Variants in SELENOO observed in about 807,000 individuals in gnomAD.
SELENOO encodes the protein protein adenylyltransferase SelO, mitochondrial.
SELENOO carries 74 observed loss-of-function variants against 58.7 expected under a neutral mutation model. That is an observed-to-expected ratio of 1.26 (90% confidence interval 1.04 to 1.53). The LOEUF (loss-of-function observed/expected upper bound fraction) is 1.53, where lower values mean the gene tolerates loss of function less well. Among genes scored for constraint, SELENOO ranks in the 40% most tolerant of loss-of-function variants. The pLI is 0.00. For synonymous variants in SELENOO, 543 were observed against 453.2 expected, an observed-to-expected ratio of 1.20 and a Z score of -2.52; for missense variants, 1,149 against 970.0, an observed-to-expected ratio of 1.18 and a Z score of -2.45.
At chr22:50,202,495 C>G (rs1287323648) in intron 1 of SELENOO, among the ~76,000 whole-genome samples, 1 of 152,206 alleles carries the variant, frequency 6.6e-6, no homozygotes, top group Non-Finnish European at 1.5e-5. Flanking sequence ...CGGCCGCCCA[C>G]TGGAGCGTTT....
At chr22:50,209,736 T>C (rs946722845) in intron 3 of SELENOO, among the ~76,000 whole-genome samples, 16 of 152,150 alleles carry the variant, frequency 1.1e-4, no homozygotes, top group African/African-American at 3.6e-4. Context: ...CCCCTGTTGA[T>C]TGGCCCCTAT....
At chr22:50,211,036 C>T (rs1031370701) in intron 5 of SELENOO, 125 bp downstream of exon 5, 4 of 955,806 alleles carry the variant, frequency 4.2e-6, no homozygotes, top group Non-Finnish European at 6.4e-6. Flanking sequence ...AGCCCTGGCA[C>T]CCCCATTCTA....
chr22:50,205,427 A>G lies in SELENOO; in HGVS notation c.555-890A>G, dbSNP rs1432455506. Among the ~76,000 whole-genome samples the G allele has an allele frequency of 2.6e-5, 4 of 152,220 alleles. No individual in the cohort carries two copies. The East Asian group carries it at 7.7e-4, about 29-fold the overall frequency. On this transcript the variant is annotated intron_variant, in intron 1 of 8. Coordinates refer to ENST00000380903, the MANE Select transcript of SELENOO (RefSeq NM_031454.2). ...ATAAACCCCGTCTTTACAAAAAGTA[A>G]GACAAGAATTAGCAGAGCTTGGCGG...
At chr22:50,212,679 C>CAT (rs754488491) in intron 5 of SELENOO, among the ~76,000 whole-genome samples, 3 of 152,206 alleles carry the variant, frequency 2.0e-5, no homozygotes, top group Non-Finnish European at 4.4e-5. Context: ...GCTCTAAACC[C>CAT]TTCATGTAAG....
At chr22:50,202,692 CTT>C (rs1341160932) in intron 1 of SELENOO, among the ~76,000 whole-genome samples, 1 of 152,132 alleles carries the variant, frequency 6.6e-6, no homozygotes, top group African/African-American at 2.4e-5. Flanking sequence ...CTGGAAGACA[CTT>C]TTTATGTTTG....
Position 50,217,534 on chromosome 22 carries a change from CTCTG to C in SELENOO, c.*170_*173del, listed in dbSNP as rs1276031701. The stretch of plus-strand genomic sequence containing the variant: ...GACATCCAGTCAGGACCTGACCCGT[CTCTG>C]TCTGAGGCCGGCTCAGCAGTGCAGC... On this transcript the variant is annotated 3_prime_UTR_variant, in exon 9 of 9. Coordinates refer to ENST00000380903, the MANE Select transcript of SELENOO (RefSeq NM_031454.2). 4.8e-5 allele frequency: 51 copies of C among 1,058,544 alleles called. No individual in the cohort carries two copies. Among genetic ancestry groups the C allele is most frequent in the Admixed American group, 1.7e-4 (6 of 35,402 alleles). 65.6% of individuals were successfully genotyped at this position (1,058,544 alleles called of 1,614,324 possible). A position where few individuals can be genotyped will look rare whatever the true frequency, so the allele number is the denominator to read the frequency against.
chr22:50,213,933 C>G (rs1022273537), intron 5 of SELENOO, among the ~76,000 whole-genome samples: 2 of 152,224 alleles, frequency 1.3e-5, no homozygotes, highest in Admixed American at 6.5e-5. Flanking sequence ...CAGGCATGAG[C>G]CACCGCTCCC....
At chr22:50,202,435 C>T (rs137939518) in intron 1 of SELENOO, among the ~76,000 whole-genome samples, 68 of 152,246 alleles carry the variant, frequency 4.5e-4, no homozygotes, top group Non-Finnish European at 7.5e-4. Context: ...GGCAACCTGG[C>T]TCTGGCTCTC....
intron 5 of SELENOO, 84 bp from the exon 6 acceptor site, chr22:50,215,633 G>C (rs1340129684): frequency 3.6e-6 from 4 of 1,116,726 alleles, no homozygotes; most frequent in Non-Finnish European, 4.8e-6. Context: ...GTGCCAGGGG[G>C]GTGGGGGGGG....
Position 50,210,638 on chromosome 22 carries a change from C to G in SELENOO, c.1078C>G (p.Pro360Ala), listed in dbSNP as rs1277954043. Residue 360 changes from proline to alanine, a missense_variant, in exon 5 of 9, where the codon CCC (proline) becomes GCC (alanine). Pro to Ala is a conservative substitution (Grantham distance 27, BLOSUM62 -1). Transcript: ENST00000380903. ...TCTTGCCCCGTGTGGCAGGTACGAC[C>G]CCGACCACGTGTGCAATGCCTCCGA... ...GPFGFLDRYDPDHVCNASDNT... is the reference protein window; with the variant it reads ...GPFGFLDRYDADHVCNASDNT... The G allele has an allele frequency of 3.7e-6, 6 of 1,612,738 alleles. No individual in the cohort carries two copies. The highest frequency in any genetic ancestry group is 2.2e-5 in the South Asian group (2 of 91,078).
chr22:50,201,153 G>A lies in SELENOO; in HGVS notation c.117G>A (p.Glu39=). 1 of 1,263,934 alleles carries A rather than the reference G, an allele frequency of 7.9e-7. No individual in the cohort carries two copies. The highest frequency in any genetic ancestry group is 9.9e-7 in the Non-Finnish European group (1 of 1,005,290). 78.3% of individuals were successfully genotyped at this position (1,263,934 alleles called of 1,614,324 possible). A position where few individuals can be genotyped will look rare whatever the true frequency, so the allele number is the denominator to read the frequency against. Residue 39 remains glutamate (E), a synonymous_variant, in exon 1 of 9, where the codon GAG becomes GAA. Transcript: ENST00000380903. The part of the protein sequence containing the change: ...PRSTLSGAAM[E]PAPRWLAGLR... ...CTACGTTGTCGGGCGCCGCCATGGA[G>A]CCCGCGCCTCGCTGGCTGGCGGGGC...
At chr22:50,210,537 G>A in intron 4 of SELENOO, 94 bp from the exon 5 acceptor site, 6 of 1,572,752 alleles carry the variant, frequency 3.8e-6, no homozygotes, top group Non-Finnish European at 4.3e-6. Context: ...CGGCCACTTG[G>A]GACCTTCCCC....
At chr22:50,216,925 A>G in intron 7 of SELENOO, 47 bp from the exon 8 acceptor site, 1 of 1,602,472 alleles carries the variant, frequency 6.2e-7, no homozygotes, top group South Asian at 1.1e-5. Context: ...CGCGTGCTGG[A>G]AAAAGTCCAG....
chr22:50,206,125 C>T (rs2064331275), intron 1 of SELENOO, 192 bp from the exon 2 acceptor site: 1 of 602,920 alleles, frequency 1.7e-6, no homozygotes, highest in Non-Finnish European at 3.0e-6. Flanking sequence ...ACCTGCTGGG[C>T]TGTGAGGTTG....
chr22:50,217,240 C>T lies in SELENOO; in HGVS notation c.1881C>T (p.Tyr627=), dbSNP rs200675763. 5.6e-4 allele frequency: 902 copies of T among 1,611,882 alleles called. 4 individuals are homozygous for T. Among genetic ancestry groups the T allele is most frequent in the Non-Finnish European group, 5.0e-5 (59 of 1,179,506 alleles). The part of the protein sequence containing the change: ...RRVLKLLETP[Y]HCEAGAATDA... ...TGCTGAAACTACTGGAGACCCCTTA[C>T]CACTGCGAGGCGGGGGCCGCCACAG... Residue 627 remains tyrosine, a synonymous_variant, in exon 9 of 9, where the codon TAC becomes TAT. Coordinates refer to ENST00000380903, the MANE Select transcript of SELENOO (RefSeq NM_031454.2).
intron 6 of SELENOO, among the ~76,000 whole-genome samples, chr22:50,216,490 T>C (rs913707276): frequency 1.3e-5 from 2 of 152,244 alleles, no homozygotes; most frequent in Non-Finnish European, 2.9e-5. Flanking sequence ...CAAAGGGCCT[T>C]GGCCGAGCAT....
rs776782428 is a variant in SELENOO at position 50,215,722 on chromosome 22, G to T, written c.1357G>T (p.Asp453Tyr). The T allele has an allele frequency of 3.1e-6, 5 of 1,590,444 alleles. No individual in the cohort carries two copies. In the Admixed American group the frequency reaches 8.4e-5, roughly 27 times the overall value. ...CTGAGCAGCCTGTGTTCCAGGTGCC[G>T]ACTTCACAAACACCTTCTACTTGCT... ...LLETMHLTGA[D>Y]FTNTFYLLSS... The change falls in exon 6 of 9, where the codon GAC (aspartate) becomes TAC (tyrosine). Residue 453 changes from aspartate to tyrosine, a missense_variant. By Grantham distance (160) the Asp-to-Tyr change is radical. Transcript: ENST00000380903.
At chr22:50,215,978 TGCTCCGCTCCCAGGGACAGATTCAG>T in intron 6 of SELENOO, 111 bp downstream of exon 6, 1 of 926,134 alleles carries the variant, frequency 1.1e-6, no homozygotes, top group Non-Finnish European at 1.6e-6. Flanking sequence ...CCCAGGTGGC[TGCTCCGCTCCCAGGGACAGATTCAG>T]TCAGGGCTTC....
At chr22:50,206,895 G>GC (rs981459238) in intron 2 of SELENOO, among the ~76,000 whole-genome samples, 1 of 152,084 alleles carries the variant, frequency 6.6e-6, no homozygotes, top group African/African-American at 2.4e-5. Context: ...GTGCTTCTGG[G>GC]GGGGAGGGGG....
Sources: gnomAD v4.1 joint callset for allele counts (sites outside exome capture counted in the v4.1 genomes callset) on GRCh38, gnomAD v4.1.1 for gene constraint, MANE v1.5 for transcripts, NCBI Gene and HGNC (gene_info 2026-07-23, HGNC 2026-07-21) for gene names.